ASTN2: variants seen among roughly 807,000 people sequenced by gnomAD.
ASTN2 encodes astrotactin-2.
A neutral mutation model predicts 139.8 loss-of-function variants in ASTN2; 54 were observed. That is an observed-to-expected ratio of 0.39 (90% CI 0.31 to 0.48). ASTN2 has a LOEUF of 0.48. ASTN2 is among the 20% of genes least tolerant of loss of function. The pLI is 0.95. For synonymous variants in ASTN2, 756 were observed against 719.5 expected (o/e 1.05, Z -0.81); for missense variants, 1,565 against 1,725.1 (o/e 0.91, Z 1.64).
chr9:117,399,731 A>C (rs1830772769), intron 1 of ASTN2, among the ~76,000 whole-genome samples: 1 of 152,194 alleles, frequency 6.6e-6, no homozygotes, highest in Non-Finnish European at 1.5e-5. Flanking sequence ...AGGACCACTG[A>C]AGAATTACTA....
At chr9:117,298,628 A>G (rs1834792184) in intron 1 of ASTN2, among the ~76,000 whole-genome samples, 1 of 149,030 alleles carries the variant, frequency 6.7e-6, no homozygotes, top group African/African-American at 2.5e-5. Flanking sequence ...TAGTTATAGT[A>G]TCCTCTTTTA....
In ASTN2 at chr9:116,785,103, A is replaced by AG. The variant is rs142400051; in HGVS notation, c.2396+20528dup. On this transcript the variant is annotated intron_variant, in intron 13 of 22. Transcript: ENST00000313400. ...GTCATCATCTGTTAAAAAATAAGGG[A>AG]GGGGAAAAGGTTGACAGCTCCTCTA... 7.4e-4 allele frequency among the ~76,000 whole-genome samples: 112 copies of AG among 152,156 alleles called. 1 individual carries two copies. The East Asian group carries it at 0.02, about 28-fold the overall frequency.
intron 19 of ASTN2, among the ~76,000 whole-genome samples, chr9:116,618,113 CAG>C (rs1394494997): frequency 1.3e-5 from 2 of 152,152 alleles, no homozygotes; most frequent in African/African-American, 4.8e-5. Context: ...CTCAGAGAAT[CAG>C]ACACTCTTTC....
intron 4 of ASTN2, among the ~76,000 whole-genome samples, chr9:117,107,055 A>C (rs1440309913): frequency 6.6e-6 from 1 of 152,166 alleles, no homozygotes; most frequent in South Asian, 2.1e-4. Flanking sequence ...TTTGTGAGAA[A>C]ATAAATATAG....
intron 16 of ASTN2, among the ~76,000 whole-genome samples, chr9:116,667,505 T>C (rs184254105): frequency 6.6e-6 from 1 of 152,284 alleles, no homozygotes; most frequent in African/African-American, 2.4e-5. Flanking sequence ...GGCAAAATAT[T>C]GACAACAATT....
intron 13 of ASTN2, among the ~76,000 whole-genome samples, chr9:116,745,595 A>G (rs888582570): frequency 6.6e-6 from 1 of 152,028 alleles, no homozygotes; most frequent in African/African-American, 2.4e-5. Flanking sequence ...GATCTATATA[A>G]CTAGTTTCCC....
chr9:116,599,526 G>C (rs138974811), intron 19 of ASTN2, among the ~76,000 whole-genome samples: 1 of 152,146 alleles, frequency 6.6e-6, no homozygotes, highest in Non-Finnish European at 1.5e-5. Flanking sequence ...AAGCACCTGC[G>C]TTTAGTTCTG....
intron 20 of ASTN2, among the ~76,000 whole-genome samples, chr9:116,476,916 C>T (rs1333453473): frequency 6.6e-6 from 1 of 152,204 alleles, no homozygotes; most frequent in Non-Finnish European, 1.5e-5. Context: ...TCCTCCAGTG[C>T]CCTTCCTGGC....
At chr9:116,643,476 T>TA (rs1481470746) in intron 17 of ASTN2, among the ~76,000 whole-genome samples, 6 of 152,168 alleles carry the variant, frequency 3.9e-5, no homozygotes, top group Non-Finnish European at 7.4e-5. Context: ...ACTTGATTTA[T>TA]AAAAATAGGA....
chr9:116,816,191 G>A (rs1239274315), intron 12 of ASTN2, among the ~76,000 whole-genome samples: 1 of 151,968 alleles, frequency 6.6e-6, no homozygotes, highest in Non-Finnish European at 1.5e-5. Context: ...AGTTCTCTTG[G>A]AAGTGTGCAT....
chr9:117,273,278 C>G (rs1295302172), intron 2 of ASTN2, among the ~76,000 whole-genome samples: 1 of 152,178 alleles, frequency 6.6e-6, no homozygotes, highest in Non-Finnish European at 1.5e-5. Flanking sequence ...ATTACCTCCC[C>G]TTGGGTCCTT....
intron 20 of ASTN2, among the ~76,000 whole-genome samples, chr9:116,469,881 G>A (rs955880275): frequency 6.6e-6 from 1 of 152,230 alleles, no homozygotes; most frequent in African/African-American, 2.4e-5. Context: ...TTTAGATTAT[G>A]GGTTCTGGGG....
At chr9:117,142,998 AC>A (rs755836498) in intron 3 of ASTN2, among the ~76,000 whole-genome samples, 67 of 152,326 alleles carry the variant, frequency 4.4e-4, no homozygotes, top group Admixed American at 7.2e-4. Flanking sequence ...AGGCTCCTGA[AC>A]AACCCAGTAC....
chr9:117,353,572 A>G (rs1829451121), intron 1 of ASTN2, among the ~76,000 whole-genome samples: 1 of 152,212 alleles, frequency 6.6e-6, no homozygotes. Flanking sequence ...CCTTGGTGCT[A>G]AAAAGATCAG....
At chr9:116,622,278 A>G (rs1856198731) in intron 17 of ASTN2, among the ~76,000 whole-genome samples, 1 of 152,196 alleles carries the variant, frequency 6.6e-6, no homozygotes, top group Non-Finnish European at 1.5e-5. Flanking sequence ...TTTCTCCTGG[A>G]AGTTGACAAA....
chr9:117,223,195 A>AT (rs376587525), intron 2 of ASTN2, among the ~76,000 whole-genome samples: 135 of 152,270 alleles, frequency 8.9e-4, no homozygotes, highest in Middle Eastern at 3.4e-3. Context: ...ATTGAGGTAG[A>AT]TTTTAACAAG....
chr9:117,411,786 C>T (rs1831168388), intron 1 of ASTN2, among the ~76,000 whole-genome samples: 1 of 152,150 alleles, frequency 6.6e-6, no homozygotes, highest in Admixed American at 6.5e-5. Context: ...TGGCATTTAC[C>T]AACTTTGCAT....
chr9:116,442,548 G>A lies in ASTN2; in HGVS notation c.3503C>T (p.Thr1168Ile). ...CCCTCGTGTATCCACAGCATACAGA[G>A]TGAACCTGCAGCACAGCAAGAAAAC... is the stretch of plus-strand genomic sequence containing the variant. ...CLEPDGLYKF[T>I]LYAVDTRGRH... Residue 1168 changes from threonine to isoleucine, a missense_variant, in exon 21 of 23, where the codon ACT becomes ATT. Thr to Ile is a moderately conservative substitution (Grantham distance 89). Transcript: ENST00000313400. 6 of 1,614,116 alleles carry A rather than the reference G, an allele frequency of 3.7e-6. No homozygotes were observed. The highest frequency in any genetic ancestry group is 2.2e-5 in the East Asian group (1 of 44,884).
intron 5 of ASTN2, among the ~76,000 whole-genome samples, chr9:117,050,257 C>T (rs1838876260): frequency 6.6e-6 from 1 of 152,208 alleles, no homozygotes; most frequent in African/African-American, 2.4e-5. Context: ...GACCAGTCAC[C>T]TCCCATTTCC....
Sources: gnomAD v4.1 joint callset for allele counts (sites outside exome capture counted in the v4.1 genomes callset) on GRCh38, gnomAD v4.1.1 for gene constraint, MANE v1.5 for transcripts, NCBI Gene and HGNC (gene_info 2026-07-23, HGNC 2026-07-21) for gene names.